DOCK3: variants seen among roughly 807,000 people sequenced by gnomAD.
The protein encoded by DOCK3 is dedicator of cytokinesis protein 3.
Under a neutral mutation model 265.6 loss-of-function variants are expected in DOCK3, and 60 were observed. The ratio of observed to expected loss-of-function variants is 0.23; its 90% CI spans 0.18 to 0.28. DOCK3 has a LOEUF of 0.28. Among genes scored for constraint, DOCK3 ranks in the 10% least tolerant of loss-of-function variants. The pLI is 1.00. For missense variants in DOCK3, 1,981 were observed against 2,594.3 expected (o/e 0.76, Z 5.14); for synonymous variants, 881 against 938.0 (o/e 0.94, Z 1.11).
chr3:51,223,317 T>A (rs1170579085), intron 14 of DOCK3, among the ~76,000 whole-genome samples: 1 of 152,146 alleles, frequency 6.6e-6, no homozygotes, highest in Non-Finnish European at 1.5e-5. Flanking sequence ...AGGACATGTT[T>A]ATTGATTAAC....
intron 4 of DOCK3, among the ~76,000 whole-genome samples, chr3:50,895,042 C>T (rs2107764498): frequency 6.6e-6 from 1 of 151,946 alleles, no homozygotes; most frequent in South Asian, 2.1e-4. Flanking sequence ...TAATTTCTAC[C>T]ACTTCTTCTT....
chr3:50,790,232 G>C (rs2042397023), intron 2 of DOCK3, among the ~76,000 whole-genome samples: 1 of 152,114 alleles, frequency 6.6e-6, no homozygotes, highest in South Asian at 2.1e-4. Flanking sequence ...GACAACAGAT[G>C]CATGGTTTGT....
At chr3:50,680,670 G>T (rs1382923548) in intron 1 of DOCK3, among the ~76,000 whole-genome samples, 3 of 151,356 alleles carry the variant, frequency 2.0e-5, no homozygotes, top group Non-Finnish European at 4.4e-5. Flanking sequence ...CATGCCCAGC[G>T]AATTTTTAAT....
At chr3:50,968,374 G>T (rs10048941) in intron 5 of DOCK3, among the ~76,000 whole-genome samples, 151,747 of 152,234 alleles carry the variant, frequency 1, 75,637 homozygotes, top group Middle Eastern at 1. Context: ...AAGTGAAGTT[G>T]TTTTCCATGG....
chr3:51,054,295 C>G (rs1053723513), intron 5 of DOCK3, among the ~76,000 whole-genome samples: 1 of 152,066 alleles, frequency 6.6e-6, no homozygotes, highest in African/African-American at 2.4e-5. Context: ...TCATTATTTT[C>G]TAGCTTCCAG....
Position 51,075,398 on chromosome 3 carries a change from A to T in DOCK3, c.507A>T (p.Val169=), listed in dbSNP as rs375236026. Residue 169 remains valine (V), a synonymous_variant, in exon 7 of 53, where the codon GTA becomes GTT. Coordinates refer to ENST00000266037, the MANE Select transcript of DOCK3 (RefSeq NM_004947.5). ...LDLVPRKDFE[V]VDSDQISVSD... Reference sequence around the variant, plus strand: ...TGGTGCCTCGGAAGGACTTTGAAGTAGTGGACTCGGACCAGATTAGTGTCT... The same window carrying T: ...TGGTGCCTCGGAAGGACTTTGAAGTTGTGGACTCGGACCAGATTAGTGTCT... 4.2e-5 allele frequency: 68 copies of T among 1,611,298 alleles called. No individual in the cohort carries two copies. The highest frequency in any genetic ancestry group is 2.2e-5 in the East Asian group (1 of 44,882).
intron 9 of DOCK3, among the ~76,000 whole-genome samples, chr3:51,111,686 C>T (rs1428544188): frequency 6.6e-6 from 1 of 152,068 alleles, no homozygotes; most frequent in African/African-American, 2.4e-5. Flanking sequence ...ACACCAAAAG[C>T]AATTGCAACA....
intron 27 of DOCK3, among the ~76,000 whole-genome samples, chr3:51,283,153 G>A (rs2081224126): frequency 6.6e-6 from 1 of 152,116 alleles, no homozygotes; most frequent in African/African-American, 2.4e-5. Context: ...CTGAGAGAAG[G>A]AGACCCATTG....
intron 12 of DOCK3, among the ~76,000 whole-genome samples, chr3:51,180,234 A>G (rs2087209855): frequency 6.7e-6 from 1 of 150,136 alleles, no homozygotes; most frequent in South Asian, 2.1e-4. Flanking sequence ...AAACACACAC[A>G]CACACACAAG....
Position 50,882,848 on chromosome 3 carries a change from C to A in DOCK3, c.163-7178C>A, listed in dbSNP as rs562689287. Among the ~76,000 whole-genome samples, 566 of 152,216 alleles carry A rather than the reference C, an allele frequency of 3.7e-3. 2 individuals are homozygous for A. The highest frequency in any genetic ancestry group is 0.013 in the African/African-American group (523 of 41,526). The stretch of plus-strand genomic sequence containing the variant: ...TTTATTGCAGCACTATTCACAATAG[C>A]AAAAACTTGTAACCAACCCAAATGT... On this transcript the variant is annotated intron_variant, in intron 3 of 52. Transcript: ENST00000266037.
At chr3:51,182,645 ATGTATT>A (rs1419981892) in intron 12 of DOCK3, among the ~76,000 whole-genome samples, 33 of 152,192 alleles carry the variant, frequency 2.2e-4, no homozygotes, top group African/African-American at 6.5e-4. Context: ...GATTATTATA[ATGTATT>A]AGGCTTTTAA....
intron 2 of DOCK3, among the ~76,000 whole-genome samples, chr3:50,796,038 G>A (rs1197574173): frequency 3.3e-5 from 5 of 151,366 alleles, no homozygotes. Context: ...GAGAGGTGGT[G>A]TGGTTATTTT....
chr3:50,826,115 A>G (rs527539236), intron 2 of DOCK3, among the ~76,000 whole-genome samples: 29 of 152,116 alleles, frequency 1.9e-4, no homozygotes, highest in African/African-American at 6.7e-4. Flanking sequence ...CAGTAGTCCA[A>G]CATTTCCTTA....
At chr3:50,742,358 C>T (rs1229554645) in intron 1 of DOCK3, among the ~76,000 whole-genome samples, 3 of 152,124 alleles carry the variant, frequency 2.0e-5, no homozygotes, top group Non-Finnish European at 4.4e-5. Context: ...GTGACTTTGA[C>T]GAGTTGAGAG....
At chr3:51,314,759 C>A (rs961538027) in intron 31 of DOCK3, among the ~76,000 whole-genome samples, 1 of 152,176 alleles carries the variant, frequency 6.6e-6, no homozygotes. Flanking sequence ...TTTGGAAAAG[C>A]AGTTTTGTGA....
At chr3:50,801,290 T>C (rs1002014729) in intron 2 of DOCK3, among the ~76,000 whole-genome samples, 3 of 152,086 alleles carry the variant, frequency 2.0e-5, no homozygotes, top group African/African-American at 4.8e-5. Context: ...TAATTCTGAT[T>C]GGCTAATTTA....
At chr3:51,210,754 C>T (rs1483864648) in intron 13 of DOCK3, among the ~76,000 whole-genome samples, 1 of 152,182 alleles carries the variant, frequency 6.6e-6, no homozygotes, top group African/African-American at 2.4e-5. Flanking sequence ...TAAACTTTTA[C>T]CCATCTTTGT....
At chr3:50,848,487 G>T (rs144278866) in intron 3 of DOCK3, among the ~76,000 whole-genome samples, 1 of 152,262 alleles carries the variant, frequency 6.6e-6, no homozygotes, top group East Asian at 1.9e-4. Context: ...TGGACTAGTG[G>T]TAACAAATTT....
chr3:51,153,128 G>A (rs935204889), intron 10 of DOCK3, among the ~76,000 whole-genome samples: 3 of 152,234 alleles, frequency 2.0e-5, no homozygotes, highest in African/African-American at 7.2e-5. Context: ...AGAGGCAGCA[G>A]GCCTTGCAGA....
Sources: gnomAD v4.1 joint callset for allele counts (sites outside exome capture counted in the v4.1 genomes callset) on GRCh38, gnomAD v4.1.1 for gene constraint, MANE v1.5 for transcripts, NCBI Gene and HGNC (gene_info 2026-07-23, HGNC 2026-07-21) for gene names.